SCP2: variants seen among roughly 807,000 people sequenced by gnomAD.
SCP2 encodes the protein SCP-2/3-oxoacyl-CoA thiolase.
A neutral mutation model predicts 71.4 loss-of-function variants in SCP2; 48 were observed. That is an observed-to-expected ratio of 0.67 (90% CI 0.53 to 0.86). The LOEUF (loss-of-function observed/expected upper bound fraction) is 0.86. SCP2 is among the 40% of genes least tolerant of loss of function. SCP2 has a pLI of 0.00. For missense variants in SCP2, 560 were observed against 655.6 expected (o/e 0.85, Z 1.59); for synonymous variants, 220 against 218.1 (o/e 1.01, Z -0.08).
At chr1:52,987,356 C>A (rs1659091866) in intron 10 of SCP2, among the ~76,000 whole-genome samples, 1 of 152,136 alleles carries the variant, frequency 6.6e-6, no homozygotes, top group African/African-American at 2.4e-5. Flanking sequence ...AGCATTGCCA[C>A]CATCATTACT....
intron 5 of SCP2, among the ~76,000 whole-genome samples, chr1:52,961,061 T>C (rs144345946): frequency 0.065 from 9,489 of 146,786 alleles, 539 homozygotes; most frequent in East Asian, 0.21. Context: ...CTATTTCCTT[T>C]GGTTCTTTTT....
chr1:53,033,455 A>G (rs890526235), intron 13 of SCP2, among the ~76,000 whole-genome samples: 1 of 152,006 alleles, frequency 6.6e-6, no homozygotes, highest in African/African-American at 2.4e-5. Flanking sequence ...ATACAAAAAA[A>G]TTAGCTGTGT....
intron 1 of SCP2, among the ~76,000 whole-genome samples, chr1:52,936,549 A>T (rs563470164): frequency 1.3e-5 from 2 of 152,350 alleles, no homozygotes; most frequent in Non-Finnish European, 1.5e-5. Context: ...TGAGTATGCA[A>T]TCTGCAAAAT....
intron 7 of SCP2, among the ~76,000 whole-genome samples, chr1:52,976,308 G>T (rs1210308449): frequency 6.6e-6 from 1 of 152,014 alleles, no homozygotes; most frequent in Admixed American, 6.6e-5. Context: ...GGTTGAGCTG[G>T]CTCAAAAGTC....
Position 53,002,878 on chromosome 1 carries a change from G to A in SCP2, c.1082-12012G>A, listed in dbSNP as rs575837593. Among the ~76,000 whole-genome samples the A allele has an allele frequency of 5.3e-4, 80 of 152,266 alleles. 1 individual carries two copies. In the Middle Eastern group the frequency reaches 0.014, roughly 26 times the overall value. On this transcript the variant is annotated intron_variant, in intron 11 of 15. Transcript: ENST00000371514. ...TTCAAATCAAACCATGGCTTATCTC[G>A]TCTACTCTGTAAGAGGTTGCCAAAA... is the stretch of plus-strand genomic sequence containing the variant.
intron 12 of SCP2, among the ~76,000 whole-genome samples, chr1:53,023,654 G>A (rs1395228757): frequency 6.6e-6 from 1 of 152,150 alleles, no homozygotes; most frequent in Admixed American, 6.6e-5. Flanking sequence ...GTCTCGAAGG[G>A]AGAAATGGAG....
At chr1:52,936,655 G>T (rs567952000) in intron 1 of SCP2, among the ~76,000 whole-genome samples, 1 of 152,214 alleles carries the variant, frequency 6.6e-6, no homozygotes, top group Non-Finnish European at 1.5e-5. Flanking sequence ...AGGGAAGCCT[G>T]TAGATTAAAA....
chr1:53,041,036 T>C (rs1485072764), intron 14 of SCP2, among the ~76,000 whole-genome samples: 5 of 152,194 alleles, frequency 3.3e-5, no homozygotes, highest in African/African-American at 1.2e-4. Context: ...ACTGTTATGC[T>C]TCTCTTGTTG....
At chr1:53,034,980 C>A (rs1572218252) in intron 13 of SCP2, among the ~76,000 whole-genome samples, 1 of 152,076 alleles carries the variant, frequency 6.6e-6, no homozygotes, top group Non-Finnish European at 1.5e-5. Context: ...TGGCGGGCAC[C>A]TGTAGTCCCA....
intron 10 of SCP2, among the ~76,000 whole-genome samples, chr1:52,981,185 G>A (rs1274910652): frequency 6.6e-6 from 1 of 152,148 alleles, no homozygotes; most frequent in African/African-American, 2.4e-5. Context: ...ACCCACCTAG[G>A]CTTCCTAAAG....
At chr1:53,033,861 C>A (rs573732508) in intron 13 of SCP2, among the ~76,000 whole-genome samples, 128 of 152,198 alleles carry the variant, frequency 8.4e-4, no homozygotes, top group Non-Finnish European at 1.4e-3. Context: ...ACACAAATGT[C>A]TATAGCAGTA....
intron 2 of SCP2, among the ~76,000 whole-genome samples, chr1:52,947,304 C>T (rs998224544): frequency 6.8e-6 from 1 of 147,546 alleles, no homozygotes. Flanking sequence ...CAGGCCTGTT[C>T]CCCATGGACA....
At chr1:53,000,791 T>A (rs1023722346) in intron 11 of SCP2, among the ~76,000 whole-genome samples, 1 of 152,026 alleles carries the variant, frequency 6.6e-6, no homozygotes, top group Non-Finnish European at 1.5e-5. Flanking sequence ...ACCCTGTCTC[T>A]ACAAAATGCA....
intron 14 of SCP2, among the ~76,000 whole-genome samples, chr1:53,039,620 C>G (rs1464954662): frequency 6.6e-6 from 1 of 152,206 alleles, no homozygotes; most frequent in East Asian, 1.9e-4. Flanking sequence ...AATTCCCAGC[C>G]CTCATGATAT....
intron 11 of SCP2, among the ~76,000 whole-genome samples, chr1:52,992,933 A>T (rs1447056262): frequency 2.0e-5 from 3 of 152,194 alleles, no homozygotes; most frequent in Non-Finnish European, 4.4e-5. Flanking sequence ...GTAAGCACTT[A>T]AAAAAAGAGC....
At chr1:52,934,989 G>A (rs1300309758) in intron 1 of SCP2, 3 of 149,346 alleles carry the variant, frequency 2.0e-5, no homozygotes, top group African/African-American at 4.9e-5. Context: ...GTCGGCCCGG[G>A]AGCGGTGGCT....
At chr1:52,951,740 GGA>G (rs1390356957) in intron 4 of SCP2, among the ~76,000 whole-genome samples, 2 of 150,164 alleles carry the variant, frequency 1.3e-5, no homozygotes, top group Admixed American at 6.6e-5. Context: ...TTTTTGAGAG[GGA>G]GTCTTGCTCT....
rs2150173682 is a variant in SCP2, at chr1:52,980,466, T to C, written c.896T>C (p.Ile299Thr). 4.3e-6 allele frequency: 7 copies of C among 1,613,980 alleles called. No individual in the cohort carries two copies. Among genetic ancestry groups the C allele is most frequent in the Non-Finnish European group, 5.9e-6 (7 of 1,179,826 alleles). ...YEKSGLTPND[I>T]DVIELHDCFS... ...AAATCTGGCCTGACACCAAATGATA[T>C]TGACGTAATAGAACTTCACGATTGC... Residue 299 changes from isoleucine to threonine, a missense_variant, in exon 10 of 16, where the codon ATT becomes ACT. Physicochemically the swap from Ile to Thr is moderately conservative, Grantham distance 89. Around this residue, in one of 3 missense-constraint regions of SCP2, gnomAD observed 513 missense variants for 573.1 expected, o/e 0.90. Coordinates refer to ENST00000371514, the MANE Select transcript of SCP2 (RefSeq NM_002979.5).
rs1160887199 is a variant in SCP2 at position 52,950,891 on chromosome 1, G to A, written c.331+5G>A. On this transcript the variant is annotated splice_donor_5th_base_variant and intron_variant, in intron 4 of 15. Coordinates refer to ENST00000371514, the MANE Select transcript of SCP2 (RefSeq NM_002979.5). ...CCCGCCAGCTGATTCAGGGTGGTAA[G>A]GAGTGCTTGTCTAGTGTACTTAAAT... is the stretch of plus-strand genomic sequence containing the variant. 1 of 1,613,558 alleles carries A rather than the reference G, an allele frequency of 6.2e-7. No individual in the cohort carries two copies. Among genetic ancestry groups the A allele is most frequent in the Non-Finnish European group, 8.5e-7 (1 of 1,179,684 alleles).
Sources: gnomAD v4.1 joint callset for allele counts (sites outside exome capture counted in the v4.1 genomes callset) on GRCh38, gnomAD v4.1.1 for gene constraint, gnomAD v4.1.1 regional missense constraint, MANE v1.5 for transcripts, NCBI Gene and HGNC (gene_info 2026-07-23, HGNC 2026-07-21) for gene names.